ADGRV1: variants seen among roughly 807,000 people sequenced by gnomAD.
ADGRV1 encodes the protein G-protein coupled receptor 98.
A neutral mutation model predicts 596.2 loss-of-function variants in ADGRV1; 359 were observed. The observed-to-expected ratio is 0.60, with a 90% CI of 0.55 to 0.66. The LOEUF (loss-of-function observed/expected upper bound fraction) is 0.66, where lower values mean the gene tolerates loss of function less well. Ranked by LOEUF, ADGRV1 falls within the 30% of genes least tolerant of loss-of-function variation. ADGRV1 has a pLI of 0.00. For missense variants in ADGRV1, 7,274 were observed against 7,575.6 expected (o/e 0.96, Z 1.48); for synonymous variants, 2,681 against 2,679.2 (o/e 1.00, Z -0.02).
At chr5:90,858,418 A>G (rs570721608) in intron 82 of ADGRV1, among the ~76,000 whole-genome samples, 90 of 152,128 alleles carry the variant, frequency 5.9e-4, no homozygotes, top group Non-Finnish European at 9.3e-4. Context: ...AGATAAGGCT[A>G]TTGGTTATGC....
intron 1 of ADGRV1, among the ~76,000 whole-genome samples, chr5:90,611,158 T>C (rs1762691351): frequency 6.6e-6 from 1 of 152,036 alleles, no homozygotes; most frequent in Non-Finnish European, 1.5e-5. Flanking sequence ...ACAAATGTTA[T>C]GTTAAACTGT....
chr5:90,941,863 C>T (rs747747435), intron 83 of ADGRV1, among the ~76,000 whole-genome samples: 69 of 152,180 alleles, frequency 4.5e-4, no homozygotes, highest in Non-Finnish European at 9.0e-4. Context: ...TTAAATTTTC[C>T]GTGGTAATTG....
chr5:90,570,399 G>A (rs1036869631), intron 1 of ADGRV1, among the ~76,000 whole-genome samples: 1 of 151,926 alleles, frequency 6.6e-6, no homozygotes, highest in Non-Finnish European at 1.5e-5. Flanking sequence ...GTCTACATGT[G>A]GATCTCTTTG....
intron 1 of ADGRV1, among the ~76,000 whole-genome samples, chr5:90,611,261 A>C (rs1762703122): frequency 6.6e-6 from 1 of 151,958 alleles, no homozygotes; most frequent in South Asian, 2.1e-4. Context: ...GAGCAAAATT[A>C]GGTGACTTGT....
chr5:90,833,126 G>A (rs1764657874), intron 77 of ADGRV1, among the ~76,000 whole-genome samples: 1 of 152,060 alleles, frequency 6.6e-6, no homozygotes, highest in Admixed American at 6.6e-5. Context: ...TCCTATTTCT[G>A]TGAAGAATGT....
intron 85 of ADGRV1, among the ~76,000 whole-genome samples, chr5:91,057,156 G>A (rs983456396): frequency 4.6e-5 from 7 of 152,178 alleles, no homozygotes; most frequent in Non-Finnish European, 8.8e-5. Context: ...TGACCTTTAC[G>A]AAAATTGTGT....
intron 83 of ADGRV1, among the ~76,000 whole-genome samples, chr5:90,944,042 T>G (rs1258582786): frequency 6.6e-6 from 1 of 152,202 alleles, no homozygotes; most frequent in African/African-American, 2.4e-5. Flanking sequence ...TATATTAATT[T>G]GTTGGTTTAT....
chr5:91,022,990 C>T (rs1019984281), intron 85 of ADGRV1, among the ~76,000 whole-genome samples: 2 of 152,060 alleles, frequency 1.3e-5, no homozygotes, highest in African/African-American at 4.8e-5. Flanking sequence ...ATTTGGGATC[C>T]TATGGATCTT....
chr5:90,820,226 C>G (rs1438929443), intron 75 of ADGRV1, among the ~76,000 whole-genome samples: 1 of 146,590 alleles, frequency 6.8e-6, no homozygotes, highest in Admixed American at 6.8e-5. Flanking sequence ...TTATCAGAGA[C>G]TAGGATTGCA....
Position 90,708,799 on chromosome 5 carries a change from G to C in ADGRV1, c.8731-17G>C. 6.6e-7 allele frequency: 1 copy of C among 1,506,940 alleles called. No homozygotes were observed. Among genetic ancestry groups the C allele is most frequent in the South Asian group, 1.1e-5 (1 of 87,564 alleles). The allele number at this position is 1,506,940 out of a possible 1,614,324, so 93.3% of individuals were successfully genotyped here. On this transcript the variant is annotated splice_polypyrimidine_tract_variant and intron_variant, in intron 38 of 89. Coordinates refer to ENST00000405460, the MANE Select transcript of ADGRV1 (RefSeq NM_032119.4). ...GAGAGTATAACTAAAGGAATTTAAT[G>C]AGTGTAATTTTTTCAGGATGATGTA...
chr5:91,026,728 C>T (rs928141690), intron 85 of ADGRV1, among the ~76,000 whole-genome samples: 2 of 152,018 alleles, frequency 1.3e-5, no homozygotes, highest in African/African-American at 4.8e-5. Context: ...CACTGAGGGC[C>T]TCAGTTAAAA....
At chr5:90,750,795 G>T in intron 53 of ADGRV1, 98 bp downstream of exon 53, 1 of 875,942 alleles carries the variant, frequency 1.1e-6, no homozygotes, top group South Asian at 1.9e-5. Flanking sequence ...GTTTGAGTTT[G>T]ACCATATCAA....
At chr5:90,727,146 G>A (rs1455954707) in intron 48 of ADGRV1, among the ~76,000 whole-genome samples, 2 of 152,082 alleles carry the variant, frequency 1.3e-5, no homozygotes, top group Non-Finnish European at 2.9e-5. Context: ...TGAGTGCAGT[G>A]CCATGATCAC....
In ADGRV1 at chr5:90,965,420, G is replaced by T; in HGVS notation, c.17862G>T (p.Leu5954=). The stretch of plus-strand genomic sequence containing the variant: ...GAAGTATCTGTTTCTTACAGATTCT[G>T]TTTCTGGCGTCTGCATACGCAAGTC... ...MMAASLGTQI[L]FLASAYASPQ... is the part of the protein sequence containing the mutation. Residue 5954 remains leucine (L), a synonymous_variant, in exon 84 of 90, where the codon CTG becomes CTT. Transcript: ENST00000405460. The T allele has an allele frequency of 6.2e-7, 1 of 1,603,330 alleles. No individual in the cohort carries two copies. Among genetic ancestry groups the T allele is most frequent in the South Asian group, 1.1e-5 (1 of 90,854 alleles).
chr5:90,679,527 G>A, intron 25 of ADGRV1, 22 bp from the exon 26 acceptor site: 1 of 1,582,670 alleles, frequency 6.3e-7, no homozygotes, highest in Non-Finnish European at 8.7e-7. Context: ...TGTGGGTTGT[G>A]TCTCTGTGTC....
chr5:91,119,737 C>T (rs1381123095), intron 87 of ADGRV1, among the ~76,000 whole-genome samples: 1 of 152,194 alleles, frequency 6.6e-6, no homozygotes, highest in African/African-American at 2.4e-5. Flanking sequence ...TCCACTTCTC[C>T]TTTGGCCCTC....
intron 30 of ADGRV1, 106 bp from the exon 31 acceptor site, chr5:90,690,691 A>G: frequency 8.7e-7 from 1 of 1,151,230 alleles, no homozygotes; most frequent in South Asian, 1.5e-5. Context: ...ATAGCTACTT[A>G]GATTGCTTAG....
At chr5:90,629,089 T>C in intron 8 of ADGRV1, 121 bp from the exon 9 acceptor site, 1 of 614,016 alleles carries the variant, frequency 1.6e-6, no homozygotes, top group Non-Finnish European at 2.5e-6. Flanking sequence ...GTATAAGAAG[T>C]CATCATTTTT....
chr5:90,830,269 AC>A (rs1482551836), intron 77 of ADGRV1, among the ~76,000 whole-genome samples: 1 of 152,126 alleles, frequency 6.6e-6, no homozygotes, highest in African/African-American at 2.4e-5. Flanking sequence ...ATTATATGAG[AC>A]CCTAGAAATA....
Sources: gnomAD v4.1 joint callset for allele counts (sites outside exome capture counted in the v4.1 genomes callset) on GRCh38, gnomAD v4.1.1 for gene constraint, MANE v1.5 for transcripts, NCBI Gene and HGNC (gene_info 2026-07-23, HGNC 2026-07-21) for gene names.